Variants in ATP2A1 observed in about 807,000 individuals in gnomAD.
ATP2A1 encodes ATPase sarcoplasmic/endoplasmic reticulum Ca2+ transporting 1.
Under a neutral mutation model 109.5 loss-of-function variants are expected in ATP2A1, and 83 were observed. The ratio of observed to expected loss-of-function variants is 0.76; its 90% confidence interval spans 0.63 to 0.91. The LOEUF is 0.91. Among genes scored for constraint, ATP2A1 ranks in the 40% least tolerant of loss-of-function variants. The pLI is 0.00. For missense variants in ATP2A1, 1,101 were observed against 1,341.0 expected (o/e 0.82, Z 2.80); for synonymous variants, 505 against 537.6 (o/e 0.94, Z 0.84).
At chr16:28,884,711 A>G in intron 6 of ATP2A1, 56 bp downstream of exon 6, 2 of 1,493,740 alleles carry the variant, frequency 1.3e-6, no homozygotes, top group Non-Finnish European at 1.8e-6. Context: ...AGGAAGAGGC[A>G]ACAAGGGGGA....
chr16:28,879,410 C>A (rs1963383723), intron 2 of ATP2A1, 91 bp from the exon 3 acceptor site: 2 of 1,225,890 alleles, frequency 1.6e-6, no homozygotes, highest in Admixed American at 1.7e-5. Flanking sequence ...CCTAGAGCCT[C>A]CCCACTGCAG....
intron 9 of ATP2A1, among the ~76,000 whole-genome samples, chr16:28,893,893 C>A (rs1963845545): frequency 6.6e-6 from 1 of 152,066 alleles, no homozygotes; most frequent in African/African-American, 2.4e-5. Flanking sequence ...GATCCGCCCA[C>A]CTCAGCCTCC....
At chr16:28,891,191 G>T (rs1963761052) in intron 9 of ATP2A1, among the ~76,000 whole-genome samples, 1 of 152,002 alleles carries the variant, frequency 6.6e-6, no homozygotes, top group Non-Finnish European at 1.5e-5. Context: ...AGCTACTAAG[G>T]AGGCTGAGGC....
intron 2 of ATP2A1, 67 bp from the exon 3 acceptor site, chr16:28,879,434 G>A (rs1963384302): frequency 6.9e-7 from 1 of 1,457,578 alleles, no homozygotes; most frequent in Non-Finnish European, 9.6e-7. Flanking sequence ...GGAGTCCAGG[G>A]CGCTCCATCC....
At chr16:28,896,755 T>C (rs1411858486) in intron 12 of ATP2A1, among the ~76,000 whole-genome samples, 2 of 149,108 alleles carry the variant, frequency 1.3e-5, no homozygotes, top group African/African-American at 5.0e-5. Context: ...TTTGCTCTTG[T>C]TGCCCAGGCT....
Position 28,878,713 on chromosome 16 carries a change from C to G in ATP2A1, c.42C>G (p.Ala14=). 6.2e-7 allele frequency: 1 copy of G among 1,611,952 alleles called. No individual in the cohort carries two copies. Among genetic ancestry groups the G allele is most frequent in the Non-Finnish European group, 8.5e-7 (1 of 1,179,040 alleles). The change falls in exon 1 of 23, where the codon GCC becomes GCG. Residue 14 remains alanine (A), a synonymous_variant. Transcript: ENST00000395503. ...CTAAAACCACGGAGGAATGTTTGGCCTATTTTGGGGTGAGTGAGACCACGG... is the reference window on the plus strand; with the variant it reads ...CTAAAACCACGGAGGAATGTTTGGCGTATTTTGGGGTGAGTGAGACCACGG... ...AHAKTTEECL[A]YFGVSETTGL... is the part of the protein sequence containing the mutation.
intron 3 of ATP2A1, chr16:28,879,938 C>T: frequency 1.1e-6 from 1 of 952,062 alleles, no homozygotes; most frequent in Non-Finnish European, 1.3e-6. Flanking sequence ...TCCCGGCATG[C>T]GCCGGGCGGA....
intron 8 of ATP2A1, 28 bp downstream of exon 8, chr16:28,887,750 A>G (rs1963654051): frequency 6.2e-7 from 1 of 1,611,144 alleles, no homozygotes; most frequent in East Asian, 2.2e-5. Context: ...TTCTCCTCCC[A>G]TTTGCTAATC....
chr16:28,893,107 A>T (rs371341331), intron 9 of ATP2A1, among the ~76,000 whole-genome samples: 1 of 148,986 alleles, frequency 6.7e-6, no homozygotes, highest in Admixed American at 6.7e-5. Flanking sequence ...CTGTACTCCC[A>T]GCATCATGGT....
chr16:28,897,954 T>A, intron 12 of ATP2A1, 46 bp from the exon 13 acceptor site: 1 of 1,612,534 alleles, frequency 6.2e-7, no homozygotes, highest in Non-Finnish European at 8.5e-7. Flanking sequence ...AGATTCTTTT[T>A]GACCATTTTA....
At chr16:28,885,409 A>T (rs550115881) in intron 6 of ATP2A1, among the ~76,000 whole-genome samples, 1 of 151,696 alleles carries the variant, frequency 6.6e-6, no homozygotes, top group African/African-American at 2.4e-5. Flanking sequence ...CAGTGGCGCG[A>T]TTTCAGCTCA....
At position 28,883,211 on chromosome 16, in the gene ATP2A1, T is replaced by C. The variant is rs1266859376; in HGVS notation, c.463+622T>C. ...TCTGCCCCCTTCAGCGGTTTTTATG[T>C]TTGCCCTGAGCAGGCCTTCCCGAAG... is the stretch of plus-strand genomic sequence containing the variant. On this transcript the variant is annotated intron_variant, in intron 5 of 22. Coordinates refer to ENST00000395503, the MANE Select transcript of ATP2A1 (RefSeq NM_004320.6). This position sits in a 1 kb window ranked among gnomAD's most constrained non-coding sequence, Gnocchi z 5.2. Among the ~76,000 whole-genome samples the C allele has an allele frequency of 6.6e-6, 1 of 152,154 alleles. No homozygotes were observed. Among genetic ancestry groups the C allele is most frequent in the Non-Finnish European group, 1.5e-5 (1 of 67,994 alleles).
intron 12 of ATP2A1, among the ~76,000 whole-genome samples, chr16:28,897,603 C>A (rs771696492): frequency 6.6e-6 from 1 of 152,038 alleles, no homozygotes; most frequent in East Asian, 1.9e-4. Flanking sequence ...TACAATGGTG[C>A]GATCTTGGCT....
rs200445830 is a variant in ATP2A1, at chr16:28,903,419, G to A, written c.2959G>A (p.Val987Ile). 2.0e-5 allele frequency: 33 copies of A among 1,613,688 alleles called. No individual in the cohort carries two copies. The highest frequency in any genetic ancestry group is 1.6e-4 in the Middle Eastern group (1 of 6,084). The change falls in exon 21 of 23, where the codon GTT becomes ATT. Residue 987 changes from valine (V) to isoleucine (I), a missense_variant. By Grantham distance (29) the Val-to-Ile change is conservative (BLOSUM62 3). Coordinates refer to ENST00000395503, the MANE Select transcript of ATP2A1 (RefSeq NM_004320.6). This position sits in a 1 kb window ranked among gnomAD's most constrained non-coding sequence, Gnocchi z 5.6. ...TGGGCTCGACGAAATCCTCAAGTTC[G>A]TTGCTCGGAACTACCTAGAGGGTAA... is the stretch of plus-strand genomic sequence containing the variant. Reference protein sequence around the residue: ...VIGLDEILKFVARNYLEG With the variant: ...VIGLDEILKFIARNYLEG
chr16:28,896,613 A>G (rs994622774), intron 12 of ATP2A1, among the ~76,000 whole-genome samples: 31 of 151,470 alleles, frequency 2.0e-4, no homozygotes, highest in Non-Finnish European at 4.1e-4. Context: ...GGGTTTCCCC[A>G]TGTTGGTCAG....
rs200531611 is a variant in ATP2A1 at position 28,887,559 on chromosome 16, G to A, written c.765G>A (p.Glu255=). The A allele has an allele frequency of 3.0e-5, 48 of 1,613,932 alleles. No homozygotes were observed. Among genetic ancestry groups the A allele is most frequent in the Non-Finnish European group, 5.9e-6 (7 of 1,180,018 alleles). ...CCCCCTTGCAGCAGAAGCTGGATGA[G>A]TTTGGGGAGCAGCTCTCCAAGGTCA... ...DKTPLQQKLD[E]FGEQLSKVIS... Residue 255 remains glutamate (E), a synonymous_variant, in exon 8 of 23, where the codon GAG becomes GAA. Transcript: ENST00000395503.
At chr16:28,889,296 G>C (rs768113950) in intron 9 of ATP2A1, among the ~76,000 whole-genome samples, 1 of 151,820 alleles carries the variant, frequency 6.6e-6, no homozygotes, top group African/African-American at 2.4e-5. Flanking sequence ...TCACTCTGTC[G>C]CCCAGGCTGG....
chr16:28,902,998 CTG>C lies in ATP2A1; in HGVS notation c.2745-29_2745-28del. ...GTGCCGCCCACCTCCTTCCTCCTCA[CTG>C]TGCCTTCTCCCTCCCCTTCCCCTCT... is the stretch of plus-strand genomic sequence containing the variant. On this transcript the variant is annotated intron_variant, in intron 19 of 22. Coordinates refer to ENST00000395503, the MANE Select transcript of ATP2A1 (RefSeq NM_004320.6). The surrounding 1 kb of genome is among the most constrained non-coding windows in gnomAD (Gnocchi z 4.8). 2 of 1,613,478 alleles carry C rather than the reference CTG, an allele frequency of 1.2e-6. No homozygotes were observed. Among genetic ancestry groups the C allele is most frequent in the Non-Finnish European group, 1.7e-6 (2 of 1,179,702 alleles).
Position 28,903,362 on chromosome 16 carries a change from C to A in ATP2A1, c.2902C>A (p.Leu968Ile). The A allele has an allele frequency of 6.2e-7, 1 of 1,613,998 alleles. No homozygotes were observed. Among genetic ancestry groups the A allele is most frequent in the Non-Finnish European group, 8.5e-7 (1 of 1,179,934 alleles). ...KLRALDLTQW[L>I]MVLKISLPVI... Reference sequence around the variant, plus strand: ...CCGGGCCCTGGACCTCACCCAGTGGCTCATGGTCCTCAAGATCTCACTGCC... The same window carrying A: ...CCGGGCCCTGGACCTCACCCAGTGGATCATGGTCCTCAAGATCTCACTGCC... The change falls in exon 21 of 23, where the codon CTC becomes ATC. Residue 968 changes from leucine to isoleucine, a missense_variant. Transcript: ENST00000395503. The surrounding 1 kb of genome is among the most constrained non-coding windows in gnomAD (Gnocchi z 5.6).
Sources: gnomAD v4.1 joint callset for allele counts (sites outside exome capture counted in the v4.1 genomes callset) on GRCh38, gnomAD v4.1.1 for gene constraint, Gnocchi (gnomAD v3.1) non-coding constraint, MANE v1.5 for transcripts, NCBI Gene and HGNC (gene_info 2026-07-23, HGNC 2026-07-21) for gene names.